The following PDE6B variants were observed in gnomAD, a reference collection of about 807,000 sequenced individuals.
The protein encoded by PDE6B is rod cGMP-specific 3',5'-cyclic phosphodiesterase subunit beta.
In PDE6B, 106 loss-of-function variants were observed where a neutral mutation model predicts 109.0. The ratio of observed to expected loss-of-function variants is 0.97; its 90% CI spans 0.83 to 1.14. The LOEUF (loss-of-function observed/expected upper bound fraction) is 1.14, where lower values mean the gene tolerates loss of function less well. PDE6B is among the 50% of genes most tolerant of loss of function. The probability of loss-of-function intolerance (pLI) is 0.00; values close to 1 mark genes in which losing one functional copy is unlikely to be tolerated. For missense variants in PDE6B, 1,193 were observed against 1,155.6 expected, an observed-to-expected ratio of 1.03 and a Z score of -0.47; for synonymous variants, 490 against 471.3, an observed-to-expected ratio of 1.04 and a Z score of -0.51.
rs770156202 is a variant in PDE6B, at chr4:663,155, C to T, written c.1888C>T (p.Leu630=). 1 of 1,611,470 alleles carries T rather than the reference C, an allele frequency of 6.2e-7. No homozygotes were observed. The highest frequency in any genetic ancestry group is 8.5e-7 in the Non-Finnish European group (1 of 1,177,630). Residue 630 remains leucine (L), a synonymous_variant, in exon 15 of 22, where the codon CTG becomes TTG. Coordinates refer to ENST00000496514, the MANE Select transcript of PDE6B (RefSeq NM_000283.4). This position sits in a 1 kb window ranked among gnomAD's most constrained non-coding sequence, Gnocchi z 4.0. ...HGSSILERHH[L]EFGKFLLSEE... ...CTCCTCGATTTTGGAGCGGCACCAC[C>T]TGGAGTTTGGGAAGTTCCTGCTCTC... is the stretch of plus-strand genomic sequence containing the variant.
Position 662,104 on chromosome 4 carries a change from C to G in PDE6B, c.1615-30C>G. On this transcript the variant is annotated intron_variant, in intron 12 of 21. Coordinates refer to ENST00000496514, the MANE Select transcript of PDE6B (RefSeq NM_000283.4). The surrounding 1 kb of genome is among the most constrained non-coding windows in gnomAD (Gnocchi z 4.3). ...CTGGCGGGACTTACACGCTTGCCGC[C>G]GGAGCCCTGTGTCCTCTCGGCTCCC... The G allele has an allele frequency of 8.9e-7, 1 of 1,126,318 alleles. No individual in the cohort carries two copies. Among genetic ancestry groups the G allele is most frequent in the South Asian group, 1.3e-5 (1 of 75,822 alleles). The allele number at this position is 1,126,318 out of a possible 1,614,324, so 69.8% of individuals were successfully genotyped here. A position where few individuals can be genotyped will look rare whatever the true frequency, so the allele number is the denominator to read the frequency against.
At position 660,623 on chromosome 4, in the gene PDE6B, A is replaced by T. The variant is rs747085644; in HGVS notation, c.1614+10A>T. 2 of 1,612,930 alleles carry T rather than the reference A, an allele frequency of 1.2e-6. No homozygotes were observed. The highest frequency in any genetic ancestry group is 2.2e-5 in the South Asian group (2 of 91,046). On this transcript the variant is annotated intron_variant, in intron 12 of 21. Transcript: ENST00000496514. ...CCAGATCCCCCAGGAGGTGGGAGAC[A>T]CCGCAGGGCGCATAGTCAGGTCCCT...
chr4:663,666 G>C lies in PDE6B; in HGVS notation c.1921-104G>C, dbSNP rs570276298. On this transcript the variant is annotated intron_variant, in intron 15 of 21. Transcript: ENST00000496514. This position sits in a 1 kb window ranked among gnomAD's most constrained non-coding sequence, Gnocchi z 4.0. ...TCCCGCCCACCGAGGGCCCGAGGGC[G>C]GGGGCGTGAGAGGCACAGGCAGCCG... is the stretch of plus-strand genomic sequence containing the variant. The C allele has an allele frequency of 1.2e-6, 1 of 810,574 alleles. No individual in the cohort carries two copies. The highest frequency in any genetic ancestry group is 2.1e-6 in the Non-Finnish European group (1 of 468,260). 50.2% of individuals were successfully genotyped at this position (810,574 alleles called of 1,614,324 possible). A position where few individuals can be genotyped will look rare whatever the true frequency, so the allele number is the denominator to read the frequency against.
At position 654,006 on chromosome 4, in the gene PDE6B, G is replaced by A; in HGVS notation, c.852+14G>A. The A allele has an allele frequency of 1.2e-6, 2 of 1,613,782 alleles. No homozygotes were observed. Among genetic ancestry groups the A allele is most frequent in the East Asian group, 4.5e-5 (2 of 44,884 alleles). On this transcript the variant is annotated intron_variant, in intron 4 of 21. Transcript: ENST00000496514. ...ACCAAGGAGAAGGTGAGGCTTCCGTGGCTCAGGGACCCCCTGCCTGGCCCG... is the reference window on the plus strand; with the variant it reads ...ACCAAGGAGAAGGTGAGGCTTCCGTAGCTCAGGGACCCCCTGCCTGGCCCG...
chr4:661,049 C>T (rs1737041473), intron 12 of PDE6B, among the ~76,000 whole-genome samples: 2 of 146,686 alleles, frequency 1.4e-5, no homozygotes, highest in African/African-American at 5.2e-5. Context: ...GGTGAGTGGG[C>T]CAATGGTAGT....
At position 664,044 on chromosome 4, in the gene PDE6B, G is replaced by A. The variant is rs1577302215; in HGVS notation, c.2022-70G>A. On this transcript the variant is annotated intron_variant, in intron 16 of 21. Coordinates refer to ENST00000496514, the MANE Select transcript of PDE6B (RefSeq NM_000283.4). ...CCTCGCTCGGGCTCCGCGCCTCCCT[G>A]CAGACGGGCGCTTGGGGCGGGGTCT... The A allele has an allele frequency of 4.8e-6, 6 of 1,241,154 alleles. No homozygotes were observed. In the East Asian group the frequency reaches 1.2e-4, roughly 24 times the overall value. The allele number at this position is 1,241,154 out of a possible 1,614,324, so 76.9% of individuals were successfully genotyped here.
rs919521193 is a variant in PDE6B, at chr4:666,790, G to A, written c.2352+176G>A. Among the ~76,000 whole-genome samples, 1 of 152,162 alleles carries A rather than the reference G, an allele frequency of 6.6e-6. No homozygotes were observed. Among genetic ancestry groups the A allele is most frequent in the African/African-American group, 2.4e-5 (1 of 41,440 alleles). On this transcript the variant is annotated intron_variant, in intron 20 of 21. Transcript: ENST00000496514. The surrounding 1 kb of genome is among the most constrained non-coding windows in gnomAD (Gnocchi z 5.6). ...GTGGGGCAAATGGGGAGGAACATCA[G>A]TTTCCGGACCCCCACAGGTGCCCCA...
At position 662,463 on chromosome 4, in the gene PDE6B, C is replaced by A; in HGVS notation, c.1723-46C>A. On this transcript the variant is annotated intron_variant, in intron 13 of 21. Coordinates refer to ENST00000496514, the MANE Select transcript of PDE6B (RefSeq NM_000283.4). The surrounding 1 kb of genome is among the most constrained non-coding windows in gnomAD (Gnocchi z 4.3). ...ATCCCAACCCCTCACCACTCCCCAC[C>A]CTGCTGGAGCCAGGACCGGTGAGCA... 1 of 1,345,540 alleles carries A rather than the reference C, an allele frequency of 7.4e-7. No homozygotes were observed. Among genetic ancestry groups the A allele is most frequent in the African/African-American group, 1.4e-5 (1 of 69,900 alleles). 83.4% of individuals were successfully genotyped at this position (1,345,540 alleles called of 1,614,324 possible). A position where few individuals can be genotyped will look rare whatever the true frequency, so the allele number is the denominator to read the frequency against.
chr4:637,629 A>G (rs1734753687), intron 3 of PDE6B, among the ~76,000 whole-genome samples: 1 of 152,144 alleles, frequency 6.6e-6, no homozygotes, highest in African/African-American at 2.4e-5. Flanking sequence ...GAAAGCAGTA[A>G]CAGGAGCCGC....
At chr4:658,753 G>A (rs537670102) in intron 10 of PDE6B, among the ~76,000 whole-genome samples, 199 bp from the exon 11 acceptor site, 2 of 152,298 alleles carry the variant, frequency 1.3e-5, no homozygotes, top group South Asian at 2.1e-4. Context: ...GGCAGTGCCC[G>A]AGAGAGGACA....
intron 3 of PDE6B, among the ~76,000 whole-genome samples, chr4:650,359 C>A (rs973614822): frequency 7.9e-5 from 12 of 152,242 alleles, no homozygotes; most frequent in Admixed American, 2.0e-4. Flanking sequence ...TCCGGCCCCC[C>A]CTGTCCCCAC....
chr4:630,531 C>A (rs1734334059), intron 1 of PDE6B, among the ~76,000 whole-genome samples: 1 of 152,174 alleles, frequency 6.6e-6, no homozygotes, highest in Admixed American at 6.5e-5. Flanking sequence ...TAAACATTCC[C>A]TGTGGTGTTA....
chr4:656,127 C>T (rs888395193), intron 7 of PDE6B, 118 bp from the exon 8 acceptor site: 61 of 990,666 alleles, frequency 6.2e-5, no homozygotes, highest in Middle Eastern at 2.1e-4. Context: ...CTCAGTGAAG[C>T]CCCCAGCTGC....
At position 634,791 on chromosome 4, in the gene PDE6B, A is replaced by G. The variant is rs1212998897; in HGVS notation, c.583A>G (p.Lys195Glu). ...DVVAVIMAVN[K>E]LNGPFFTSED... is the part of the protein sequence containing the mutation. ...CGTGGCGGTGATCATGGCAGTGAAC[A>G]AGCTCAACGGCCCATTCTTCACCAG... Residue 195 changes from lysine (K) to glutamate (E), a missense_variant, in exon 2 of 22, where the codon AAG becomes GAG. Coordinates refer to ENST00000496514, the MANE Select transcript of PDE6B (RefSeq NM_000283.4). 3.1e-6 allele frequency: 5 copies of G among 1,613,822 alleles called. No individual in the cohort carries two copies. In the Admixed American group the frequency reaches 8.3e-5, roughly 27 times the overall value.
chr4:655,723 C>T, intron 6 of PDE6B: 3 of 637,892 alleles, frequency 4.7e-6, no homozygotes, highest in Non-Finnish European at 5.7e-6. Context: ...ACGCCCAGTC[C>T]ATCTGACCCC....
intron 8 of PDE6B, among the ~76,000 whole-genome samples, chr4:656,551 A>C (rs1348884691): frequency 1.3e-5 from 2 of 149,952 alleles, no homozygotes; most frequent in Admixed American, 6.6e-5. Flanking sequence ...CGCGGCCCCC[A>C]CACACCCCTG....
chr4:663,758 T>C lies in PDE6B; in HGVS notation c.1921-12T>C, dbSNP rs1267684312. Reference sequence around the variant, plus strand: ...CGCAGGGCGCCTGACGCGCTGGGCATAACCTCCGCAGACCCTGAACATCTA... The same window carrying C: ...CGCAGGGCGCCTGACGCGCTGGGCACAACCTCCGCAGACCCTGAACATCTA... On this transcript the variant is annotated splice_polypyrimidine_tract_variant and intron_variant, in intron 15 of 21. Coordinates refer to ENST00000496514, the MANE Select transcript of PDE6B (RefSeq NM_000283.4). This position sits in a 1 kb window ranked among gnomAD's most constrained non-coding sequence, Gnocchi z 4.0. 1.9e-6 allele frequency: 3 copies of C among 1,606,330 alleles called. No individual in the cohort carries two copies. Among genetic ancestry groups the C allele is most frequent in the Non-Finnish European group, 2.6e-6 (3 of 1,174,464 alleles).
chr4:657,840 G>T (rs551632210), intron 10 of PDE6B, among the ~76,000 whole-genome samples: 2 of 147,066 alleles, frequency 1.4e-5, no homozygotes, highest in South Asian at 2.2e-4. Context: ...GGTCGTCCAG[G>T]GGTCACCCAG....
rs746949094 is a variant in PDE6B, at chr4:663,756, C to T, written c.1921-14C>T. On this transcript the variant is annotated splice_polypyrimidine_tract_variant and intron_variant, in intron 15 of 21. Transcript: ENST00000496514. The surrounding 1 kb of genome is among the most constrained non-coding windows in gnomAD (Gnocchi z 4.0). ...GCCGCAGGGCGCCTGACGCGCTGGG[C>T]ATAACCTCCGCAGACCCTGAACATC... 4.2e-5 allele frequency: 68 copies of T among 1,602,598 alleles called. No individual in the cohort carries two copies. Among genetic ancestry groups the T allele is most frequent in the Non-Finnish European group, 9.4e-6 (11 of 1,171,016 alleles).
Sources: gnomAD v4.1 joint callset for allele counts (sites outside exome capture counted in the v4.1 genomes callset) on GRCh38, gnomAD v4.1.1 for gene constraint, Gnocchi (gnomAD v3.1) non-coding constraint, MANE v1.5 for transcripts, NCBI Gene and HGNC (gene_info 2026-07-23, HGNC 2026-07-21) for gene names.